Variants in ALAD observed in about 807,000 individuals in gnomAD.
The protein encoded by ALAD is aminolevulinate dehydratase, also known as delta-aminolevulinic acid dehydratase.
In ALAD, 20 loss-of-function variants were observed where a neutral mutation model predicts 44.4. The observed-to-expected ratio is 0.45, with a 90% CI of 0.32 to 0.65. The LOEUF is 0.65. Ranked by LOEUF, ALAD falls within the 30% of genes least tolerant of loss-of-function variation. ALAD has a pLI of 0.05. For missense variants in ALAD, 323 were observed against 445.7 expected (o/e 0.72, Z 2.48); for synonymous variants, 156 against 167.9 (o/e 0.93, Z 0.55).
chr9:113,388,337 T>C lies in ALAD; in HGVS notation c.956A>G (p.Tyr319Cys). 1.2e-6 allele frequency: 2 copies of C among 1,614,064 alleles called. No individual in the cohort carries two copies. Among genetic ancestry groups the C allele is most frequent in the Non-Finnish European group, 1.7e-6 (2 of 1,180,030 alleles). The change falls in exon 12 of 12, where the codon TAC (tyrosine) becomes TGC (cysteine). Residue 319 changes from tyrosine to cysteine, a missense_variant. Physicochemically the swap from Tyr to Cys is radical, Grantham distance 194. Transcript: ENST00000409155. Reference protein sequence around the residue: ...RAGADIIITYYTPQLLQWLKE... With the variant: ...RAGADIIITYCTPQLLQWLKE... ...CAGCCACTGCAGCAGCTGCGGTGTG[T>C]AGTAGGTGATGATGATGTCAGCACC...
At chr9:113,389,295 AAGGCC>A in intron 10 of ALAD, 138 bp downstream of exon 10, 1 of 1,312,180 alleles carries the variant, frequency 7.6e-7, no homozygotes, top group Non-Finnish European at 1.1e-6. Context: ...CCCGACATAG[AAGGCC>A]ACGATGGTTC....
At position 113,391,616 on chromosome 9, in the gene ALAD, C is replaced by T. The variant is rs1401975972; in HGVS notation, c.172G>A (p.Val58Met). Residue 58 changes from valine to methionine, a missense_variant, in exon 4 of 12, where the codon GTG (valine) becomes ATG (methionine). By Grantham distance (21) the Val-to-Met change is conservative. Transcript: ENST00000409155. ...TSLPGVARYG[V>M]KRLEEMLRPL... ...CTCAGCATCTCTTCCAGCCGCTTCA[C>T]ACCATACCTGTGTGGGTGTGGGTAG... The T allele has an allele frequency of 6.2e-7, 1 of 1,614,000 alleles. No homozygotes were observed. Among genetic ancestry groups the T allele is most frequent in the Non-Finnish European group, 8.5e-7 (1 of 1,179,898 alleles).
At chr9:113,391,697 T>C in intron 3 of ALAD, 74 bp from the exon 4 acceptor site, 1 of 1,258,246 alleles carries the variant, frequency 7.9e-7, no homozygotes, top group Non-Finnish European at 1.2e-6. Flanking sequence ...CACCACACTG[T>C]GTGCCTCTGT....
In ALAD at chr9:113,392,277, G is replaced by A. The variant is rs147065323; in HGVS notation, c.114-108C>T. On this transcript the variant is annotated intron_variant, in intron 2 of 11. Transcript: ENST00000409155. Reference sequence around the variant, plus strand: ...AGCAGGAAAGAAATATGGAAGTGGAGATGGTGGGAGGAGGATGGGATCCAG... The same window carrying A: ...AGCAGGAAAGAAATATGGAAGTGGAAATGGTGGGAGGAGGATGGGATCCAG... 1.4e-4 allele frequency: 225 copies of A among 1,597,300 alleles called. No homozygotes were observed. In the East Asian group the frequency reaches 5.0e-3, roughly 35 times the overall value.
At chr9:113,393,931 T>A (rs192074202) in intron 1 of ALAD, among the ~76,000 whole-genome samples, 152 of 151,502 alleles carry the variant, frequency 1.0e-3, no homozygotes, top group African/African-American at 3.5e-3. Flanking sequence ...AATGACTGTT[T>A]AAAAAAAATT....
intron 1 of ALAD, among the ~76,000 whole-genome samples, 168 bp from the exon 2 acceptor site, chr9:113,393,802 A>G (rs1407420613): frequency 1.3e-5 from 2 of 152,230 alleles, no homozygotes; most frequent in Non-Finnish European, 2.9e-5. Flanking sequence ...TGAGAAATGA[A>G]AGTAAGTCTT....
intron 10 of ALAD, 55 bp downstream of exon 10, chr9:113,389,381 CTG>C: frequency 2.5e-6 from 4 of 1,585,452 alleles, no homozygotes; most frequent in Non-Finnish European, 2.6e-6. Flanking sequence ...ATTCCAGAGT[CTG>C]TGGAAAACTC....
rs1019940474 is a variant in ALAD, at chr9:113,391,041, C to T, written c.262-108G>A. The T allele has an allele frequency of 2.3e-5, 34 of 1,450,516 alleles. No homozygotes were observed. In the African/African-American group the frequency reaches 4.6e-4, roughly 20 times the overall value. The allele number at this position is 1,450,516 out of a possible 1,614,324, so 89.9% of individuals were successfully genotyped here. ...CCTGGCCTTCTCCTTCCTTCATCAT[C>T]ACAGCCCCTGGATAAGGAAGCACAG... On this transcript the variant is annotated intron_variant, in intron 4 of 11. Transcript: ENST00000409155.
At chr9:113,393,400 A>ACCCCC in intron 2 of ALAD, 47 bp downstream of exon 2, 11 of 1,436,084 alleles carry the variant, frequency 7.7e-6, no homozygotes, top group South Asian at 1.1e-5. Flanking sequence ...CCCCAACCCC[A>ACCCCC]ACCCCAACCA....
At chr9:113,391,919 G>A (rs1827596601) in intron 3 of ALAD, among the ~76,000 whole-genome samples, 200 bp downstream of exon 3, 1 of 152,082 alleles carries the variant, frequency 6.6e-6, no homozygotes, top group Non-Finnish European at 1.5e-5. Flanking sequence ...CGTCTCGGGT[G>A]ATGGGTAGCT....
intron 1 of ALAD, among the ~76,000 whole-genome samples, chr9:113,399,504 G>A (rs1303324603): frequency 6.6e-6 from 1 of 152,142 alleles, no homozygotes. Context: ...AATCACCACC[G>A]GGCTGCCAGA....
In ALAD at chr9:113,401,265, C is replaced by G. The variant is rs1338331039; in HGVS notation, c.-129G>C. On this transcript the variant is annotated 5_prime_UTR_variant, in exon 1 of 12. Coordinates refer to ENST00000409155, the MANE Select transcript of ALAD (RefSeq NM_000031.6). ...CTCCTGTCACCGCTGTCTCCCGCTCCGGTCTCCCACAGACCGCGTAAGAGC... is the reference window on the plus strand; with the variant it reads ...CTCCTGTCACCGCTGTCTCCCGCTCGGGTCTCCCACAGACCGCGTAAGAGC... 1 of 151,990 alleles carries G rather than the reference C, an allele frequency of 6.6e-6. No individual in the cohort carries two copies. Among genetic ancestry groups the G allele is most frequent in the African/African-American group, 2.4e-5 (1 of 41,154 alleles). The allele number at this position is 151,990 out of a possible 1,614,324, so 9.4% of individuals were successfully genotyped here.
chr9:113,393,313 A>T, intron 2 of ALAD, 134 bp downstream of exon 2: 1 of 780,996 alleles, frequency 1.3e-6, no homozygotes, highest in East Asian at 2.6e-5. Context: ...GCCTGCTTCC[A>T]GTGCCTTGAA....
rs1211149552 is a variant in ALAD, at chr9:113,392,179, CG to C, written c.114-11del. 8.7e-6 allele frequency: 14 copies of C among 1,613,582 alleles called. No individual in the cohort carries two copies. Among genetic ancestry groups the C allele is most frequent in the Admixed American group, 1.7e-5 (1 of 59,950 alleles). On this transcript the variant is annotated splice_polypyrimidine_tract_variant and intron_variant, in intron 2 of 11. Coordinates refer to ENST00000409155, the MANE Select transcript of ALAD (RefSeq NM_000031.6). ...GTCATCAGGAACATCCCTGCAAGAG[CG>C]GGGGTGGGATATGGATTGGTAGCTG...
Position 113,391,548 on chromosome 9 carries a change from G to C in ALAD, c.240C>G (p.Gly80=). The C allele has an allele frequency of 2.5e-6, 4 of 1,613,974 alleles. No individual in the cohort carries two copies. In the South Asian group the frequency reaches 4.4e-5, roughly 18 times the overall value. ...TCACCTTGGGAACTCTGCTGGGGAC[G>C]CCAAAGATCAAGACACAGCGTAGGC... is the stretch of plus-strand genomic sequence containing the variant. ...EEGLRCVLIF[G]VPSRVPKDER... The change falls in exon 4 of 12, where the codon GGC becomes GGG. Residue 80 remains glycine, a synonymous_variant. Transcript: ENST00000409155.
intron 1 of ALAD, 137 bp from the exon 2 acceptor site, chr9:113,393,771 C>A: frequency 1.9e-6 from 1 of 522,150 alleles, no homozygotes. Flanking sequence ...TCACCAATCC[C>A]TGCTGGTCAA....
chr9:113,390,907 G>A lies in ALAD; in HGVS notation c.288C>T (p.Ser96=), dbSNP rs146076728. 3.6e-5 allele frequency: 58 copies of A among 1,614,002 alleles called. No homozygotes were observed. In the African/African-American group the frequency reaches 5.6e-4, roughly 16 times the overall value. The change falls in exon 5 of 12, where the codon TCC becomes TCT. Residue 96 remains serine, a synonymous_variant. Coordinates refer to ENST00000409155, the MANE Select transcript of ALAD (RefSeq NM_000031.6). ...TTGCCTCAATAGCTGGGGACTCCTC[G>A]GAGTCAGCTGCGGAACCCCGCTCGT... The part of the protein sequence containing the change: ...PKDERGSAAD[S]EESPAIEAIH...
At chr9:113,388,404 T>G in intron 11 of ALAD, 43 bp from the exon 12 acceptor site, 1 of 1,590,144 alleles carries the variant, frequency 6.3e-7, no homozygotes, top group Non-Finnish European at 8.6e-7. Flanking sequence ...GGGACGCTGA[T>G]CAGCTCTGAG....
At chr9:113,399,777 C>T (rs1000851862) in intron 1 of ALAD, among the ~76,000 whole-genome samples, 8 of 152,176 alleles carry the variant, frequency 5.3e-5, no homozygotes, top group African/African-American at 1.2e-4. Flanking sequence ...TGTGGGTCTT[C>T]GCACAGAGGC....
Sources: allele counts gnomAD v4.1 joint callset (sites outside exome capture counted in the v4.1 genomes callset), GRCh38; gene constraint gnomAD v4.1.1; transcripts MANE v1.5; gene names NCBI Gene and HGNC (gene_info 2026-07-23, HGNC 2026-07-21).